Variants in CALN1 observed in about 807,000 individuals in gnomAD.
CALN1 encodes the protein calneuron 1.
A neutral mutation model predicts 30.6 loss-of-function variants in CALN1; 17 were observed. The observed-to-expected ratio is 0.56, with a 90% CI of 0.38 to 0.83. The LOEUF is 0.83. Among genes scored for constraint, CALN1 ranks in the 40% least tolerant of loss-of-function variants. The probability of loss-of-function intolerance (pLI) is 0.00; values close to 1 mark genes in which losing one functional copy is unlikely to be tolerated. For missense variants in CALN1, 291 were observed against 354.9 expected, an observed-to-expected ratio of 0.82 and a Z score of 1.45; for synonymous variants, 156 against 131.4, an observed-to-expected ratio of 1.19 and a Z score of -1.28.
chr7:71,996,016 G>T (rs954298141), intron 5 of CALN1, among the ~76,000 whole-genome samples: 1 of 152,110 alleles, frequency 6.6e-6, no homozygotes, highest in Non-Finnish European at 1.5e-5. Context: ...GCCCCGTCAA[G>T]AAGCACCAGG....
intron 3 of CALN1, among the ~76,000 whole-genome samples, chr7:72,155,504 A>G (rs200153247): frequency 8.6e-5 from 13 of 151,636 alleles, no homozygotes; most frequent in African/African-American, 2.9e-4. Context: ...AAAAAAAAAA[A>G]AGAGAGAGAG....
intron 4 of CALN1, among the ~76,000 whole-genome samples, chr7:72,080,315 G>C (rs1219152391): frequency 6.6e-6 from 1 of 152,112 alleles, no homozygotes; most frequent in Non-Finnish European, 1.5e-5. Context: ...TTTGGCAGCT[G>C]TTCTCCTGCC....
chr7:72,217,510 C>T (rs75555632), intron 3 of CALN1, among the ~76,000 whole-genome samples: 4,750 of 152,192 alleles, frequency 0.031, 241 homozygotes, highest in African/African-American at 0.11. Flanking sequence ...TGGGAGAGTG[C>T]AAAACAGAGT....
chr7:71,790,129 GAAGAAAGAAGA>G (rs898300953), intron 6 of CALN1, among the ~76,000 whole-genome samples: 1 of 134,684 alleles, frequency 7.4e-6, no homozygotes, highest in Non-Finnish European at 1.6e-5. Context: ...AGAGAAGAAA[GAAGAAAGAAGA>G]AAGAAAGAAG....
chr7:71,810,421 C>T lies in CALN1; in HGVS notation c.573G>A (p.Thr191=), dbSNP rs766714139. 35 of 1,613,994 alleles carry T rather than the reference C, an allele frequency of 2.2e-5. No homozygotes were observed. Among genetic ancestry groups the T allele is most frequent in the Admixed American group, 8.3e-5 (5 of 59,994 alleles). The change falls in exon 6 of 7, where the codon ACG becomes ACA. Residue 191 remains threonine, a synonymous_variant. Transcript: ENST00000395275. ...ILYHAFRDHL[T]MKDIENIIIN... Reference sequence around the variant, plus strand: ...TAATGATGTTCTCAATGTCCTTCATCGTTAGGTGGTCTCGGAAGGCATGAT... The same window carrying T: ...TAATGATGTTCTCAATGTCCTTCATTGTTAGGTGGTCTCGGAAGGCATGAT...
intron 3 of CALN1, among the ~76,000 whole-genome samples, chr7:72,113,969 C>G (rs889153298): frequency 6.6e-6 from 1 of 151,980 alleles, no homozygotes; most frequent in Non-Finnish European, 1.5e-5. Flanking sequence ...AGAGCTAAGC[C>G]AGCATGGTGG....
chr7:72,314,420 C>A lies in CALN1; in HGVS notation c.120-35610G>T, dbSNP rs1800292069. On this transcript the variant is annotated intron_variant, in intron 2 of 6. Coordinates refer to ENST00000395275, the MANE Select transcript of CALN1 (RefSeq NM_031468.4). ...ACACATATATACACATATATATACACACATACATAGATTTTTTTTTTTTGA... is the reference window on the plus strand; with the variant it reads ...ACACATATATACACATATATATACAAACATACATAGATTTTTTTTTTTTGA... Among the ~76,000 whole-genome samples the A allele has an allele frequency of 2.0e-5, 3 of 149,340 alleles. No individual in the cohort carries two copies. In the Admixed American group the frequency reaches 2.0e-4, roughly 10 times the overall value.
At chr7:72,396,258 G>GAAAAAAAAAAAAAAAAAAGAAAGAAAGAA (rs1554399594) in intron 2 of CALN1, among the ~76,000 whole-genome samples, 1 of 109,702 alleles carries the variant, frequency 9.1e-6, no homozygotes, top group Non-Finnish European at 1.8e-5. Context: ...AAAAAAAAAA[G>GAAAAAAAAAAAAAAAAAAGAAAGAAAGAA]AAAGAAAAAG....
Position 71,883,974 on chromosome 7 carries a change from C to T in CALN1, c.502-73482G>A, listed in dbSNP as rs181819590. Among the ~76,000 whole-genome samples, 265 of 152,182 alleles carry T rather than the reference C, an allele frequency of 1.7e-3. 1 individual carries two copies. The highest frequency in any genetic ancestry group is 6.1e-3 in the African/African-American group (252 of 41,516). On this transcript the variant is annotated intron_variant, in intron 5 of 6. Coordinates refer to ENST00000395275, the MANE Select transcript of CALN1 (RefSeq NM_031468.4). ...CTGTTGCCAGGTTGGAGTGAAGTGGCGCGATCTTGGCTCACTGCAATCTCC... is the reference window on the plus strand; with the variant it reads ...CTGTTGCCAGGTTGGAGTGAAGTGGTGCGATCTTGGCTCACTGCAATCTCC...
At chr7:71,865,212 G>T (rs1350599798) in intron 5 of CALN1, among the ~76,000 whole-genome samples, 2 of 152,108 alleles carry the variant, frequency 1.3e-5, no homozygotes, top group Non-Finnish European at 2.9e-5. Flanking sequence ...GGATCGTGGG[G>T]GTGGTTTCTC....
chr7:71,978,853 T>G (rs1798242462), intron 5 of CALN1, among the ~76,000 whole-genome samples: 1 of 152,250 alleles, frequency 6.6e-6, no homozygotes, highest in Non-Finnish European at 1.5e-5. Context: ...CGGAAAAGAC[T>G]TATTGAGCAA....
At chr7:72,303,417 C>A (rs574889693) in intron 2 of CALN1, among the ~76,000 whole-genome samples, 1 of 152,066 alleles carries the variant, frequency 6.6e-6, no homozygotes, top group South Asian at 2.1e-4. Context: ...ACAAGCCAGG[C>A]GTGGTGGGGC....
chr7:72,093,962 T>C (rs1280233536), intron 4 of CALN1, among the ~76,000 whole-genome samples: 1 of 152,142 alleles, frequency 6.6e-6, no homozygotes, highest in African/African-American at 2.4e-5. Context: ...CGTCCTCTCT[T>C]ACAGCTCAGA....
the CALN1 span, among the ~76,000 whole-genome samples, chr7:72,499,697 A>G: frequency 6.6e-6 from 1 of 152,120 alleles, no homozygotes. Context: ...AATATAAAAG[A>G]ATCTATAAAA....
At chr7:72,059,898 A>G (rs948655700) in intron 4 of CALN1, among the ~76,000 whole-genome samples, 8 of 152,212 alleles carry the variant, frequency 5.3e-5, no homozygotes, top group African/African-American at 1.9e-4. Context: ...TGGAACATGC[A>G]GAGAACGCAT....
chr7:71,892,043 C>G (rs377299859), intron 5 of CALN1, among the ~76,000 whole-genome samples: 62 of 152,222 alleles, frequency 4.1e-4, no homozygotes, highest in African/African-American at 1.4e-3. Context: ...GAGACTATAT[C>G]ATGCCTGTCT....
intron 5 of CALN1, among the ~76,000 whole-genome samples, chr7:71,882,901 G>T (rs895669111): frequency 7.1e-6 from 1 of 139,998 alleles, no homozygotes; most frequent in African/African-American, 2.8e-5. Flanking sequence ...TGTTTGTAAA[G>T]ACAGTGTCTC....
chr7:72,019,412 C>T (rs1562981637), intron 5 of CALN1, among the ~76,000 whole-genome samples: 1 of 152,162 alleles, frequency 6.6e-6, no homozygotes, highest in Non-Finnish European at 1.5e-5. Flanking sequence ...TGTTCTCTCC[C>T]ACACTTAATA....
At chr7:71,838,803 G>A (rs1415624710) in intron 5 of CALN1, among the ~76,000 whole-genome samples, 1 of 152,044 alleles carries the variant, frequency 6.6e-6, no homozygotes, top group African/African-American at 2.4e-5. Flanking sequence ...CTTTGCTGTA[G>A]CCATGTGAAG....
Sources: allele counts gnomAD v4.1 joint callset (sites outside exome capture counted in the v4.1 genomes callset), GRCh38; gene constraint gnomAD v4.1.1; transcripts MANE v1.5; gene names NCBI Gene and HGNC (gene_info 2026-07-23, HGNC 2026-07-21).